TRAPPC8: variants seen among roughly 807,000 people sequenced by gnomAD.
The protein encoded by TRAPPC8 is trafficking protein particle complex subunit 8, also known as general sporulation gene 1 homolog.
In TRAPPC8, 54 loss-of-function variants were observed where a neutral mutation model predicts 174.3. The observed-to-expected ratio is 0.31, with a 90% CI of 0.25 to 0.39. TRAPPC8 has a LOEUF of 0.39. Ranked by LOEUF, TRAPPC8 falls within the 10% of genes least tolerant of loss-of-function variation. TRAPPC8 has a pLI of 1.00. For missense variants in TRAPPC8, 1,531 were observed against 1,699.1 expected (o/e 0.90, Z 1.74); for synonymous variants, 630 against 579.9 (o/e 1.09, Z -1.24).
chr18:31,885,872 AAAT>A (rs1244558412), intron 12 of TRAPPC8, among the ~76,000 whole-genome samples: 2 of 151,980 alleles, frequency 1.3e-5, no homozygotes, highest in Non-Finnish European at 2.9e-5. Context: ...AAAAAACGAA[AAAT>A]AAGAAATATG....
At chr18:31,899,336 G>A (rs1157709303) in intron 10 of TRAPPC8, among the ~76,000 whole-genome samples, 1 of 152,168 alleles carries the variant, frequency 6.6e-6, no homozygotes, top group Non-Finnish European at 1.5e-5. Context: ...TTGTTATTAA[G>A]ACTAAATGAG....
At chr18:31,869,828 C>A (rs954214281) in intron 16 of TRAPPC8, among the ~76,000 whole-genome samples, 4 of 152,208 alleles carry the variant, frequency 2.6e-5, no homozygotes, top group Non-Finnish European at 2.9e-5. Flanking sequence ...GTGGCTCATG[C>A]CTGTAATCCC....
At chr18:31,877,610 CA>C (rs1161138155) in intron 12 of TRAPPC8, among the ~76,000 whole-genome samples, 21 of 77,148 alleles carry the variant, frequency 2.7e-4, no homozygotes, top group African/African-American at 1.1e-3. Flanking sequence ...GACTCCGTCT[CA>C]AAAAAAAAAA....
intron 1 of TRAPPC8, among the ~76,000 whole-genome samples, chr18:31,934,702 T>C (rs781459634): frequency 1.3e-5 from 2 of 151,846 alleles, no homozygotes; most frequent in Non-Finnish European, 2.9e-5. Context: ...ACCCCGTCTC[T>C]ACTAAAAATA....
chr18:31,837,203 T>A (rs1483495275), intron 27 of TRAPPC8, among the ~76,000 whole-genome samples: 2 of 151,988 alleles, frequency 1.3e-5, no homozygotes, highest in Non-Finnish European at 2.9e-5. Context: ...TAACTTAGGA[T>A]AAAATTTTTT....
intron 12 of TRAPPC8, among the ~76,000 whole-genome samples, chr18:31,884,780 G>A (rs986538313): frequency 1.3e-5 from 2 of 152,004 alleles, no homozygotes; most frequent in African/African-American, 4.8e-5. Flanking sequence ...GCCAAGGTGG[G>A]ATGATCTCTT....
intron 11 of TRAPPC8, among the ~76,000 whole-genome samples, chr18:31,894,289 T>C (rs183109231): frequency 4.6e-4 from 70 of 152,280 alleles, no homozygotes; most frequent in African/African-American, 1.3e-3. Flanking sequence ...AGGAGGAAAA[T>C]TGCCCTGAAA....
intron 16 of TRAPPC8, among the ~76,000 whole-genome samples, chr18:31,868,686 T>A (rs538571659): frequency 6.6e-5 from 10 of 152,202 alleles, no homozygotes; most frequent in South Asian, 4.1e-4. Flanking sequence ...TTATTTATTT[T>A]TTATTGTTTG....
intron 26 of TRAPPC8, 69 bp from the exon 27 acceptor site, chr18:31,839,526 T>C: frequency 1.5e-6 from 2 of 1,350,082 alleles, no homozygotes; most frequent in African/African-American, 1.5e-5. Flanking sequence ...AAAAGCATAG[T>C]GTATATATAC....
rs777824123 is a variant in TRAPPC8 at position 31,942,560 on chromosome 18, G to A, written c.157+48C>T. ...TGCCCGCCCGCAACTTCCTTCTCCC[G>A]ACCACGGCTTTGCGGGAGCCCACTG... is the stretch of plus-strand genomic sequence containing the variant. On this transcript the variant is annotated intron_variant, in intron 1 of 28. Transcript: ENST00000283351. 7 of 1,481,148 alleles carry A rather than the reference G, an allele frequency of 4.7e-6. No homozygotes were observed. The Admixed American group carries it at 6.7e-5, about 14-fold the overall frequency. 91.8% of individuals were successfully genotyped at this position (1,481,148 alleles called of 1,614,324 possible). A position where few individuals can be genotyped will look rare whatever the true frequency, so the allele number is the denominator to read the frequency against.
At chr18:31,890,970 TG>T in intron 11 of TRAPPC8, 104 bp from the exon 12 acceptor site, 2 of 1,101,818 alleles carry the variant, frequency 1.8e-6, no homozygotes, top group Non-Finnish European at 2.4e-6. Flanking sequence ...GCATATCCAA[TG>T]TTTAACTTAA....
intron 5 of TRAPPC8, 30 bp from the exon 6 acceptor site, chr18:31,909,790 C>T: frequency 7.0e-7 from 1 of 1,426,260 alleles, no homozygotes; most frequent in South Asian, 1.3e-5. Context: ...AAAGCATTAG[C>T]AGTTATACTT....
At chr18:31,922,569 C>G (rs1197389626) in intron 2 of TRAPPC8, among the ~76,000 whole-genome samples, 1 of 152,082 alleles carries the variant, frequency 6.6e-6, no homozygotes, top group East Asian at 1.9e-4. Flanking sequence ...CCAGCCTGGG[C>G]AGCGACAGAG....
intron 2 of TRAPPC8, among the ~76,000 whole-genome samples, chr18:31,925,693 C>T (rs939119480): frequency 2.6e-5 from 4 of 152,124 alleles, no homozygotes; most frequent in Non-Finnish European, 4.4e-5. Flanking sequence ...TAAACCCCAA[C>T]GTGAAATTTC....
At chr18:31,878,049 T>C (rs2035250535) in intron 12 of TRAPPC8, among the ~76,000 whole-genome samples, 1 of 152,012 alleles carries the variant, frequency 6.6e-6, no homozygotes, top group African/African-American at 2.4e-5. Flanking sequence ...AGCTGTTTAC[T>C]CTGTACTAGA....
intron 5 of TRAPPC8, 42 bp downstream of exon 5, chr18:31,913,327 G>A: frequency 6.6e-7 from 1 of 1,524,582 alleles, no homozygotes; most frequent in South Asian, 1.3e-5. Context: ...AAAAACTGAA[G>A]TATCGTTTTT....
Position 31,897,864 on chromosome 18 carries a change from C to T in TRAPPC8, c.1518G>A (p.Val506=). The T allele has an allele frequency of 6.2e-7, 1 of 1,611,062 alleles. No homozygotes were observed. ...CKNMVLAERC[V]LLSAELLKSQ... Reference sequence around the variant, plus strand: ...TTTTTAAAAGTTCAGCACTAAGCAACACACATCTTTCAGCCAACACCATAT... The same window carrying T: ...TTTTTAAAAGTTCAGCACTAAGCAATACACATCTTTCAGCCAACACCATAT... The change falls in exon 11 of 29, where the codon GTG becomes GTA. Residue 506 remains valine (V), a synonymous_variant. Transcript: ENST00000283351.
At chr18:31,833,803 A>G (rs1254797121) in intron 27 of TRAPPC8, among the ~76,000 whole-genome samples, 1 of 151,974 alleles carries the variant, frequency 6.6e-6, no homozygotes, top group Non-Finnish European at 1.5e-5. Context: ...GGAGATCAAG[A>G]TCATCCTGGC....
chr18:31,866,687 A>G (rs943361971), intron 18 of TRAPPC8, among the ~76,000 whole-genome samples, 162 bp downstream of exon 18: 3 of 152,242 alleles, frequency 2.0e-5, no homozygotes, highest in African/African-American at 7.2e-5. Context: ...AGATGATGTT[A>G]GAAGTTAAAA....
Sources: allele counts gnomAD v4.1 joint callset (sites outside exome capture counted in the v4.1 genomes callset), GRCh38; gene constraint gnomAD v4.1.1; transcripts MANE v1.5; gene names NCBI Gene and HGNC (gene_info 2026-07-23, HGNC 2026-07-21).